Variants in HHIP observed in about 807,000 individuals in gnomAD.
HHIP encodes hedgehog-interacting protein.
Under a neutral mutation model 74.0 loss-of-function variants are expected in HHIP, and 12 were observed. The observed-to-expected ratio is 0.16, with a 90% CI of 0.10 to 0.26. The LOEUF (loss-of-function observed/expected upper bound fraction) is 0.26. Among genes scored for constraint, HHIP ranks in the 10% least tolerant of loss-of-function variants. HHIP has a pLI of 1.00. For missense variants in HHIP, 788 were observed against 845.0 expected, an observed-to-expected ratio of 0.93 and a Z score of 0.84; for synonymous variants, 309 against 311.6, an observed-to-expected ratio of 0.99 and a Z score of 0.09.
rs1305130756 is a variant in HHIP, at chr4:144,659,555, T to C, written c.630-82T>C. 2.1e-5 allele frequency: 18 copies of C among 858,576 alleles called. No individual in the cohort carries two copies. The African/African-American group carries it at 2.4e-4, about 12-fold the overall frequency. 53.2% of individuals were successfully genotyped at this position (858,576 alleles called of 1,614,324 possible). A position where few individuals can be genotyped will look rare whatever the true frequency, so the allele number is the denominator to read the frequency against. The stretch of plus-strand genomic sequence containing the variant: ...TCAAAACCATGATTCCTAGAGGAAA[T>C]AGAGTTTGAAAAGGATGCCAAGTGC... On this transcript the variant is annotated intron_variant, in intron 3 of 12. Coordinates refer to ENST00000296575, the MANE Select transcript of HHIP (RefSeq NM_022475.3).
At chr4:144,706,852 GAAC>G (rs1354134074) in intron 5 of HHIP, among the ~76,000 whole-genome samples, 170 bp downstream of exon 5, 4 of 152,114 alleles carry the variant, frequency 2.6e-5, no homozygotes, top group Non-Finnish European at 5.9e-5. Flanking sequence ...GAGAAATGGA[GAAC>G]AACAATGGTT....
intron 11 of HHIP, among the ~76,000 whole-genome samples, chr4:144,732,390 T>C (rs1730985325): frequency 6.6e-6 from 1 of 152,234 alleles, no homozygotes; most frequent in Non-Finnish European, 1.5e-5. Context: ...ACTACATCCG[T>C]GGGTAAACAA....
At chr4:144,692,287 T>C (rs1292604049) in intron 4 of HHIP, among the ~76,000 whole-genome samples, 3 of 152,122 alleles carry the variant, frequency 2.0e-5, no homozygotes, top group African/African-American at 4.8e-5. Flanking sequence ...CCAACTGTCA[T>C]GTAATAGAGC....
chr4:144,735,268 A>T lies in HHIP; in HGVS notation c.1909+379A>T, dbSNP rs140968791. On this transcript the variant is annotated intron_variant, in intron 12 of 12. Transcript: ENST00000296575. ...CTCTCCAAGCGCTAGCATTTTCCAGACACCCTGTAAATGCCCTCCCTGGCT... is the reference window on the plus strand; with the variant it reads ...CTCTCCAAGCGCTAGCATTTTCCAGTCACCCTGTAAATGCCCTCCCTGGCT... 2.0e-5 allele frequency among the ~76,000 whole-genome samples: 3 copies of T among 152,238 alleles called. No homozygotes were observed. The East Asian group carries it at 5.8e-4, about 29-fold the overall frequency.
chr4:144,694,334 G>GT (rs199885401), intron 4 of HHIP, among the ~76,000 whole-genome samples: 3,849 of 146,146 alleles, frequency 0.026, 139 homozygotes, highest in African/African-American at 0.078. Context: ...AACTATTGGG[G>GT]TTTTTTTTTT....
intron 11 of HHIP, among the ~76,000 whole-genome samples, chr4:144,733,605 A>T (rs576825419): frequency 1.3e-5 from 2 of 152,240 alleles, no homozygotes; most frequent in Non-Finnish European, 1.5e-5. Flanking sequence ...TGAGGTTTTG[A>T]CCTGTAATGA....
Position 144,744,817 on chromosome 4 carries a change from G to A in HHIP, c.*6860G>A. 1 of 152,126 alleles carries A rather than the reference G, an allele frequency of 6.6e-6. No homozygotes were observed. Among genetic ancestry groups the A allele is most frequent in the East Asian group, 1.9e-4 (1 of 5,186 alleles). 9.4% of individuals were successfully genotyped at this position (152,126 alleles called of 1,614,324 possible). On this transcript the variant is annotated 3_prime_UTR_variant, in exon 13 of 13. Transcript: ENST00000296575. ...CCCAATCGGCATCATAAGCATGTCT[G>A]AAGCAAAAGACAATAATCACATCCA... is the stretch of plus-strand genomic sequence containing the variant.
Position 144,718,900 on chromosome 4 carries a change from T to C in HHIP, c.1704T>C (p.Ser568=), listed in dbSNP as rs201293002. 5.0e-6 allele frequency: 8 copies of C among 1,610,614 alleles called. No individual in the cohort carries two copies. In the South Asian group the frequency reaches 6.6e-5, roughly 13 times the overall value. Residue 568 remains serine, a synonymous_variant, in exon 11 of 13, where the codon AGT becomes AGC. Transcript: ENST00000296575. ...ELGEVYILSS[S]KSMTQTHNGK... Reference sequence around the variant, plus strand: ...GTGAAGTTTACATTTTATCAAGCAGTAAAAGTATGACCCAGACTCACAATG... The same window carrying C: ...GTGAAGTTTACATTTTATCAAGCAGCAAAAGTATGACCCAGACTCACAATG...
At position 144,708,153 on chromosome 4, in the gene HHIP, C is replaced by G. The variant is rs112844609; in HGVS notation, c.1158-15C>G. 1 of 1,613,010 alleles carries G rather than the reference C, an allele frequency of 6.2e-7. No homozygotes were observed. The highest frequency in any genetic ancestry group is 1.7e-5 in the Admixed American group (1 of 60,004). On this transcript the variant is annotated splice_polypyrimidine_tract_variant and intron_variant, in intron 6 of 12. Transcript: ENST00000296575. Reference sequence around the variant, plus strand: ...TGAAAATGTAAAACACATACTCTGTCCCCCAATTTCTCAGTGATTTCACAG... The same window carrying G: ...TGAAAATGTAAAACACATACTCTGTGCCCCAATTTCTCAGTGATTTCACAG...
intron 4 of HHIP, among the ~76,000 whole-genome samples, chr4:144,694,862 A>G (rs903514435): frequency 4.6e-5 from 7 of 151,798 alleles, no homozygotes; most frequent in African/African-American, 1.7e-4. Context: ...AGTCCATTTT[A>G]TTTCATTTGT....
Position 144,707,081 on chromosome 4 carries a change from A to G in HHIP, c.984-6A>G. The G allele has an allele frequency of 6.2e-7, 1 of 1,613,190 alleles. No homozygotes were observed. Among genetic ancestry groups the G allele is most frequent in the Non-Finnish European group, 8.5e-7 (1 of 1,179,132 alleles). ...GTCATGGTATTGTTTTCTTCCCACAATGTAGAAAAAATCCACACCAAGTTG... is the reference window on the plus strand; with the variant it reads ...GTCATGGTATTGTTTTCTTCCCACAGTGTAGAAAAAATCCACACCAAGTTG... On this transcript the variant is annotated splice_polypyrimidine_tract_variant and splice_region_variant and intron_variant, in intron 5 of 12. Transcript: ENST00000296575.
intron 4 of HHIP, among the ~76,000 whole-genome samples, chr4:144,678,931 TC>T (rs1235006864): frequency 4.6e-5 from 7 of 152,208 alleles, no homozygotes; most frequent in Non-Finnish European, 8.8e-5. Context: ...TATTTCCGGT[TC>T]TAGATCCTTG....
Position 144,739,203 on chromosome 4 carries a change from C to T in HHIP, c.*1246C>T, listed in dbSNP as rs983828536. The T allele has an allele frequency of 2.6e-5, 4 of 152,208 alleles. No individual in the cohort carries two copies. Among genetic ancestry groups the T allele is most frequent in the African/African-American group, 9.6e-5 (4 of 41,466 alleles). The allele number at this position is 152,208 out of a possible 1,614,324, so 9.4% of individuals were successfully genotyped here. A position where few individuals can be genotyped will look rare whatever the true frequency, so the allele number is the denominator to read the frequency against. On this transcript the variant is annotated 3_prime_UTR_variant, in exon 13 of 13. Coordinates refer to ENST00000296575, the MANE Select transcript of HHIP (RefSeq NM_022475.3). Reference sequence around the variant, plus strand: ...TGTAAATGTTCTGTTCAGGGTTTTACAGAGATGACATGTTCTGACTTAAAA... The same window carrying T: ...TGTAAATGTTCTGTTCAGGGTTTTATAGAGATGACATGTTCTGACTTAAAA...
intron 4 of HHIP, among the ~76,000 whole-genome samples, chr4:144,670,603 C>G (rs1178209307): frequency 6.6e-6 from 1 of 150,802 alleles, no homozygotes; most frequent in Admixed American, 6.6e-5. Flanking sequence ...CACAAACTTT[C>G]ATAAAATGGC....
intron 8 of HHIP, among the ~76,000 whole-genome samples, chr4:144,712,874 C>CT (rs966407338): frequency 1.0e-4 from 13 of 125,444 alleles, no homozygotes; most frequent in Non-Finnish European, 1.7e-4. Context: ...AGTTATTTTA[C>CT]TTTTTTTTCA....
At chr4:144,716,119 T>C (rs547916547) in intron 10 of HHIP, among the ~76,000 whole-genome samples, 80 of 152,364 alleles carry the variant, frequency 5.3e-4, no homozygotes, top group African/African-American at 1.8e-3. Context: ...AGTTTCATAG[T>C]GACTCCCTTT....
At chr4:144,674,393 A>G (rs1429251577) in intron 4 of HHIP, among the ~76,000 whole-genome samples, 2 of 152,212 alleles carry the variant, frequency 1.3e-5, no homozygotes, top group Admixed American at 6.5e-5. Flanking sequence ...TTAATCAGGA[A>G]ATAGCTTTTC....
chr4:144,706,306 A>G (rs3733424), intron 4 of HHIP, among the ~76,000 whole-genome samples: 86,321 of 152,018 alleles, frequency 0.57, 24,729 homozygotes, highest in South Asian at 0.76. Context: ...AGACTCTTGT[A>G]CATAGATAAC....
intron 4 of HHIP, among the ~76,000 whole-genome samples, chr4:144,690,477 TCAA>T (rs1729621005): frequency 6.6e-6 from 1 of 152,142 alleles, no homozygotes; most frequent in African/African-American, 2.4e-5. Context: ...TCTTAAACGA[TCAA>T]CAAGTTATTC....
Sources: gnomAD v4.1 joint callset for allele counts (sites outside exome capture counted in the v4.1 genomes callset) on GRCh38, gnomAD v4.1.1 for gene constraint, MANE v1.5 for transcripts, NCBI Gene and HGNC (gene_info 2026-07-23, HGNC 2026-07-21) for gene names.